ERC1: variants seen among roughly 807,000 people sequenced by gnomAD.
ERC1 encodes the protein RAB6 interacting protein 2.
ERC1 carries 56 observed loss-of-function variants against 132.0 expected under a neutral mutation model. The observed-to-expected ratio is 0.42, with a 90% CI of 0.34 to 0.53. The LOEUF (loss-of-function observed/expected upper bound fraction) is 0.53. Among genes scored for constraint, ERC1 ranks in the 20% least tolerant of loss-of-function variants. ERC1 has a pLI of 0.03. For missense variants in ERC1, 1,202 were observed against 1,349.9 expected (o/e 0.89, Z 1.72); for synonymous variants, 478 against 476.1 (o/e 1.00, Z -0.05).
rs550280170 is a variant in ERC1, at chr12:1,164,014, C to T, written c.1738-16526C>T. Among the ~76,000 whole-genome samples the T allele has an allele frequency of 7.2e-5, 11 of 152,304 alleles. No individual in the cohort carries two copies. In the South Asian group the frequency reaches 2.3e-3, roughly 32 times the overall value. Reference sequence around the variant, plus strand: ...ACGGGCCTCAGCCACCATGTCTGACCTACATGGTGTCTTTTGCCCCAGCTT... The same window carrying T: ...ACGGGCCTCAGCCACCATGTCTGACTTACATGGTGTCTTTTGCCCCAGCTT... On this transcript the variant is annotated intron_variant, in intron 8 of 18. Transcript: ENST00000360905.
At chr12:1,124,676 C>T (rs1947950212) in intron 7 of ERC1, among the ~76,000 whole-genome samples, 1 of 151,824 alleles carries the variant, frequency 6.6e-6, no homozygotes, top group South Asian at 2.1e-4. Context: ...GAGAATAAAA[C>T]AACACCAAGA....
chr12:1,154,913 G>A (rs1951223250), intron 8 of ERC1, among the ~76,000 whole-genome samples: 1 of 152,184 alleles, frequency 6.6e-6, no homozygotes, highest in Non-Finnish European at 1.5e-5. Context: ...ATAATAGCTG[G>A]TATCATGGAT....
chr12:1,056,138 A>AT (rs913398730), intron 2 of ERC1, among the ~76,000 whole-genome samples: 3 of 151,070 alleles, frequency 2.0e-5, no homozygotes, highest in East Asian at 1.9e-4. Context: ...TATCCATAAA[A>AT]TTTTTTTTGT....
rs555613547 is a variant in ERC1 at position 1,399,009 on chromosome 12, G to A, written c.2926-9140G>A. ...CAACCAGGCTGGAGAGCAATGGTGC[G>A]ATCATGACCCAAGGCAGCCTTGACC... On this transcript the variant is annotated intron_variant, in intron 16 of 18. Transcript: ENST00000360905. Among the ~76,000 whole-genome samples the A allele has an allele frequency of 8.4e-5, 11 of 130,818 alleles. No homozygotes were observed. The South Asian group carries it at 1.0e-3, about 12-fold the overall frequency. The allele number at this position is 130,818 out of a possible 152,430, so 85.8% of individuals were successfully genotyped here.
intron 1 of ERC1, among the ~76,000 whole-genome samples, chr12:1,010,451 G>T (rs1964489101): frequency 6.8e-6 from 1 of 146,208 alleles, no homozygotes; most frequent in Admixed American, 6.8e-5. Flanking sequence ...CTGCATTCCA[G>T]CCTGGGTGAC....
At chr12:1,423,734 T>G (rs2092514810) in intron 17 of ERC1, among the ~76,000 whole-genome samples, 1 of 152,236 alleles carries the variant, frequency 6.6e-6, no homozygotes, top group African/African-American at 2.4e-5. Context: ...ATTTCAGGTT[T>G]TACATTGTAT....
intron 1 of ERC1, among the ~76,000 whole-genome samples, chr12:1,003,609 G>C (rs1428433639): frequency 6.6e-6 from 1 of 152,124 alleles, no homozygotes; most frequent in East Asian, 1.9e-4. Flanking sequence ...GATAGGAGAC[G>C]TCATTGTCTT....
rs2094335160 is a variant in ERC1, at chr12:1,493,540, AAAAAAAAAATATATATATATAT to A, written c.*3312_*3333del. 8.9e-5 allele frequency: 2 copies of A among 22,392 alleles called. No individual in the cohort carries two copies. The highest frequency in any genetic ancestry group is 1.2e-4 in the African/African-American group (1 of 8,290). The allele number at this position is 22,392 out of a possible 1,614,324, so 1.4% of individuals were successfully genotyped here. ...TGACAGAGACTCCATTTAAAAAAAA[AAAAAAAAAATATATATATATAT>A]ATATATATATATATATGGATGGGAA... On this transcript the variant is annotated 3_prime_UTR_variant, in exon 19 of 19. Transcript: ENST00000360905.
chr12:1,209,957 G>C (rs1383550603), intron 12 of ERC1, among the ~76,000 whole-genome samples: 1 of 152,188 alleles, frequency 6.6e-6, no homozygotes. Context: ...GTTAAAGGAC[G>C]TCTGAGGTTT....
chr12:1,038,316 T>C (rs914385714), intron 2 of ERC1, among the ~76,000 whole-genome samples: 1 of 152,084 alleles, frequency 6.6e-6, no homozygotes, highest in African/African-American at 2.4e-5. Flanking sequence ...CCTTCTTTTA[T>C]GACAATTTTG....
chr12:1,204,828 G>T (rs969508761), intron 12 of ERC1, among the ~76,000 whole-genome samples: 2 of 152,176 alleles, frequency 1.3e-5, no homozygotes, highest in Non-Finnish European at 2.9e-5. Context: ...TGAACATTCA[G>T]TGGAGACATT....
At chr12:1,077,543 G>C (rs1941545664) in intron 2 of ERC1, among the ~76,000 whole-genome samples, 1 of 152,140 alleles carries the variant, frequency 6.6e-6, no homozygotes, top group Non-Finnish European at 1.5e-5. Context: ...ACAGTCCCTG[G>C]AGTAAATTTT....
rs938630352 is a variant in ERC1, at chr12:1,057,830, G to A, written c.670-25334G>A. On this transcript the variant is annotated intron_variant, in intron 2 of 18. Coordinates refer to ENST00000360905, the MANE Select transcript of ERC1 (RefSeq NM_178040.4). Reference sequence around the variant, plus strand: ...AGGATGCTCTCGATATTCTGACCTCGTGATCCACCTGCCTCGGCCTCCCAA... The same window carrying A: ...AGGATGCTCTCGATATTCTGACCTCATGATCCACCTGCCTCGGCCTCCCAA... Among the ~76,000 whole-genome samples, 6 of 152,006 alleles carry A rather than the reference G, an allele frequency of 3.9e-5. No homozygotes were observed. In the East Asian group the frequency reaches 9.7e-4, roughly 25 times the overall value.
chr12:1,156,906 T>G (rs529204625), intron 8 of ERC1, among the ~76,000 whole-genome samples: 1 of 152,298 alleles, frequency 6.6e-6, no homozygotes, highest in South Asian at 2.1e-4. Flanking sequence ...AGGAAGTTTT[T>G]CCTCTAGTAA....
chr12:1,181,572 G>A (rs1464595853), intron 9 of ERC1, among the ~76,000 whole-genome samples: 1 of 152,120 alleles, frequency 6.6e-6, no homozygotes, highest in Non-Finnish European at 1.5e-5. Context: ...GCCGAGGCGG[G>A]TGGATCATCT....
At chr12:1,068,484 T>TTA (rs1939700659) in intron 2 of ERC1, among the ~76,000 whole-genome samples, 2 of 148,714 alleles carry the variant, frequency 1.3e-5, no homozygotes, top group South Asian at 2.1e-4. Context: ...CTTTAGGAAT[T>TTA]AAAAAAAAAA....
At chr12:1,479,807 G>A (rs1442572339) in intron 18 of ERC1, among the ~76,000 whole-genome samples, 3 of 152,124 alleles carry the variant, frequency 2.0e-5, no homozygotes, top group African/African-American at 7.2e-5. Flanking sequence ...GAGAAGCCAG[G>A]TGGGGTCACT....
At chr12:1,180,825 A>ATTTTTTTTTTTTTTTTTTTT (rs1050835752) in intron 9 of ERC1, 148 bp downstream of exon 9, 1 of 933,704 alleles carries the variant, frequency 1.1e-6, no homozygotes, top group Admixed American at 2.6e-5. Flanking sequence ...GAAGGGAAAC[A>ATTTTTTTTTTTTTTTTTTTT]TTTTTTTTAG....
chr12:1,164,452 C>T (rs1052585038), intron 8 of ERC1, among the ~76,000 whole-genome samples: 1 of 152,152 alleles, frequency 6.6e-6, no homozygotes, highest in Non-Finnish European at 1.5e-5. Flanking sequence ...ACACCATTCT[C>T]CTGCCTCAGC....
Sources: gnomAD v4.1 joint callset for allele counts (sites outside exome capture counted in the v4.1 genomes callset) on GRCh38, gnomAD v4.1.1 for gene constraint, MANE v1.5 for transcripts, NCBI Gene and HGNC (gene_info 2026-07-23, HGNC 2026-07-21) for gene names.